Variants in MAN1A1 observed in about 807,000 individuals in gnomAD.
MAN1A1 encodes mannosyl-oligosaccharide 1,2-alpha-mannosidase IA.
Under a neutral mutation model 70.8 loss-of-function variants are expected in MAN1A1, and 29 were observed. That is an observed-to-expected ratio of 0.41 (90% confidence interval 0.31 to 0.56). MAN1A1 has a LOEUF of 0.56. Ranked by LOEUF, MAN1A1 falls within the 20% of genes least tolerant of loss-of-function variation. The pLI is 0.29. For synonymous variants in MAN1A1, 349 were observed against 330.1 expected (o/e 1.06, Z -0.62); for missense variants, 747 against 841.3 (o/e 0.89, Z 1.39).
Position 119,222,934 on chromosome 6 carries a change from A to C in MAN1A1, c.993-18052T>G, listed in dbSNP as rs551857105. Among the ~76,000 whole-genome samples, 6 of 152,164 alleles carry C rather than the reference A, an allele frequency of 3.9e-5. No individual in the cohort carries two copies. In the East Asian group the frequency reaches 1.2e-3, roughly 29 times the overall value. ...CATTTTGTTATTCAAAAGGGAAGGG[A>C]AATTTGTTGTACTGATGGTTGCACA... On this transcript the variant is annotated intron_variant, in intron 6 of 12. Coordinates refer to ENST00000368468, the MANE Select transcript of MAN1A1 (RefSeq NM_005907.4).
intron 5 of MAN1A1, among the ~76,000 whole-genome samples, chr6:119,263,441 A>T (rs1311725241): frequency 6.6e-6 from 1 of 152,136 alleles, no homozygotes; most frequent in African/African-American, 2.4e-5. Flanking sequence ...TGTAAGTGGG[A>T]GCTAAACATT....
chr6:119,308,182 T>G (rs1250540039), intron 2 of MAN1A1, among the ~76,000 whole-genome samples: 1 of 152,146 alleles, frequency 6.6e-6, no homozygotes, highest in Non-Finnish European at 1.5e-5. Flanking sequence ...AAAAACAACT[T>G]TACTCAGTCA....
intron 4 of MAN1A1, 106 bp from the exon 5 acceptor site, chr6:119,290,869 C>A: frequency 4.2e-6 from 3 of 706,038 alleles, no homozygotes; most frequent in Non-Finnish European, 4.8e-6. Flanking sequence ...CTTATGCTTG[C>A]CCAGAGAAGT....
chr6:119,201,195 T>C, intron 8 of MAN1A1, 59 bp downstream of exon 8: 1 of 1,277,490 alleles, frequency 7.8e-7, no homozygotes, highest in South Asian at 1.2e-5. Flanking sequence ...TTGTGCTTCC[T>C]CTCTCTCCAC....
rs6923755 is a variant in MAN1A1, at chr6:119,326,029, C to T, written c.604-19037G>A. 5.9e-3 allele frequency among the ~76,000 whole-genome samples: 897 copies of T among 152,268 alleles called. 30 individuals are homozygous for T. In the East Asian group the frequency reaches 0.09, roughly 15 times the overall value. ...ACAGCAACAGACCTGTTGTTAGGTC[C>T]AGGGTCAGGTTCCAGCCCATGCTGA... is the stretch of plus-strand genomic sequence containing the variant. On this transcript the variant is annotated intron_variant, in intron 2 of 12. Transcript: ENST00000368468.
intron 5 of MAN1A1, among the ~76,000 whole-genome samples, chr6:119,266,529 T>C (rs1392513567): frequency 7.6e-6 from 1 of 131,548 alleles, no homozygotes; most frequent in Non-Finnish European, 1.7e-5. Context: ...TAGATATCCA[T>C]ATACACATAC....
rs3839392 is a variant in MAN1A1 at position 119,196,325 on chromosome 6, TAA to T, written c.1211-2435_1211-2434del. The stretch of plus-strand genomic sequence containing the variant: ...TTTCCTGCCTATAAAAATTTCACAT[TAA>T]AAAAAAAAAAACAAGACAAAGGAAC... On this transcript the variant is annotated intron_variant, in intron 8 of 12. Coordinates refer to ENST00000368468, the MANE Select transcript of MAN1A1 (RefSeq NM_005907.4). Among the ~76,000 whole-genome samples, 682 of 146,720 alleles carry T rather than the reference TAA, an allele frequency of 4.6e-3. 1 individual carries two copies. Among genetic ancestry groups the T allele is most frequent in the African/African-American group, 8.5e-3 (342 of 40,142 alleles).
chr6:119,277,579 T>C (rs930107926), intron 5 of MAN1A1, among the ~76,000 whole-genome samples: 3 of 152,022 alleles, frequency 2.0e-5, no homozygotes, highest in African/African-American at 7.3e-5. Context: ...CCTAGCACTT[T>C]GGGAGGTAGA....
At chr6:119,283,123 G>A (rs1776265285) in intron 5 of MAN1A1, among the ~76,000 whole-genome samples, 3 of 152,304 alleles carry the variant, frequency 2.0e-5, no homozygotes, top group African/African-American at 4.8e-5. Flanking sequence ...GGTGGGGGTT[G>A]AAGGTGGAGC....
intron 6 of MAN1A1, among the ~76,000 whole-genome samples, chr6:119,236,707 C>CAAA (rs34748730): frequency 1.4e-4 from 14 of 96,582 alleles, no homozygotes; most frequent in Non-Finnish European, 2.6e-4. Context: ...GACTTTGTCT[C>CAAA]AAAAAAAAAA....
intron 2 of MAN1A1, among the ~76,000 whole-genome samples, chr6:119,326,983 G>A (rs944207246): frequency 2.0e-5 from 3 of 152,204 alleles, no homozygotes; most frequent in African/African-American, 7.2e-5. Context: ...AAAGTGGTAA[G>A]CAGAGTGAAT....
intron 11 of MAN1A1, among the ~76,000 whole-genome samples, chr6:119,183,762 T>C (rs544878507): frequency 1.3e-5 from 2 of 152,112 alleles, no homozygotes; most frequent in Admixed American, 6.5e-5. Flanking sequence ...ACAAGTCCTC[T>C]TGGGGTAAGC....
At chr6:119,305,331 C>T (rs1772498796) in intron 3 of MAN1A1, among the ~76,000 whole-genome samples, 1 of 151,904 alleles carries the variant, frequency 6.6e-6, no homozygotes, top group Non-Finnish European at 1.5e-5. Context: ...TTAATGGTAC[C>T]AAAGACTTTT....
chr6:119,246,206 C>T (rs1172132526), intron 6 of MAN1A1, among the ~76,000 whole-genome samples: 2 of 152,156 alleles, frequency 1.3e-5, no homozygotes, highest in Non-Finnish European at 2.9e-5. Flanking sequence ...GTAGCCCACA[C>T]CTCTATTAGA....
At chr6:119,309,179 G>C (rs1344231864) in intron 2 of MAN1A1, among the ~76,000 whole-genome samples, 1 of 152,188 alleles carries the variant, frequency 6.6e-6, no homozygotes, top group Non-Finnish European at 1.5e-5. Flanking sequence ...CAGTCATATT[G>C]TTAACCAATT....
intron 11 of MAN1A1, among the ~76,000 whole-genome samples, chr6:119,181,457 T>C (rs1773152486): frequency 6.6e-6 from 1 of 151,620 alleles, no homozygotes; most frequent in Non-Finnish European, 1.5e-5. Flanking sequence ...ACATGTTTTT[T>C]TTTTTTTTCA....
At chr6:119,295,941 G>A (rs1196744104) in intron 4 of MAN1A1, among the ~76,000 whole-genome samples, 1 of 152,070 alleles carries the variant, frequency 6.6e-6, no homozygotes, top group Non-Finnish European at 1.5e-5. Context: ...TTAATCAATG[G>A]CTTTGTTAGA....
intron 8 of MAN1A1, among the ~76,000 whole-genome samples, chr6:119,197,819 G>C (rs1773613730): frequency 6.6e-6 from 1 of 151,386 alleles, no homozygotes; most frequent in African/African-American, 2.4e-5. Context: ...TTTTCCATCA[G>C]GAAATTGGCC....
In MAN1A1 at chr6:119,349,120, G is replaced by A; in HGVS notation, c.-55C>T. On this transcript the variant is annotated 5_prime_UTR_variant, in exon 2 of 13. Transcript: ENST00000368468. Reference sequence around the variant, plus strand: ...CGCCGCTCAGCAGCCAAACTTCGCCGCCGCTGGGAGTCCGCGGCTGCGGGG... The same window carrying A: ...CGCCGCTCAGCAGCCAAACTTCGCCACCGCTGGGAGTCCGCGGCTGCGGGG... 7.9e-7 allele frequency: 1 copy of A among 1,258,890 alleles called. No individual in the cohort carries two copies. The highest frequency in any genetic ancestry group is 3.1e-5 in the South Asian group (1 of 32,210). 78.0% of individuals were successfully genotyped at this position (1,258,890 alleles called of 1,614,324 possible). A position where few individuals can be genotyped will look rare whatever the true frequency, so the allele number is the denominator to read the frequency against.
Sources: gnomAD v4.1 joint callset for allele counts (sites outside exome capture counted in the v4.1 genomes callset) on GRCh38, gnomAD v4.1.1 for gene constraint, MANE v1.5 for transcripts, NCBI Gene and HGNC (gene_info 2026-07-23, HGNC 2026-07-21) for gene names.